Variants in TRIM44 observed in about 807,000 individuals in gnomAD.
TRIM44 encodes the protein tripartite motif-containing protein 44.
A neutral mutation model predicts 37.4 loss-of-function variants in TRIM44; 13 were observed. The ratio of observed to expected loss-of-function variants is 0.35; its 90% CI spans 0.23 to 0.55. TRIM44 has a LOEUF of 0.55. TRIM44 is among the 20% of genes least tolerant of loss of function. The pLI is 0.89. For synonymous variants in TRIM44, 175 were observed against 157.2 expected (o/e 1.11, Z -0.85); for missense variants, 426 against 437.2 (o/e 0.97, Z 0.23).
At chr11:35,686,368 G>GTT (rs201505822) in intron 2 of TRIM44, among the ~76,000 whole-genome samples, 6 of 143,560 alleles carry the variant, frequency 4.2e-5, no homozygotes, top group African/African-American at 1.6e-4. Context: ...TTTTGTTTTT[G>GTT]TTTTTGTTTT....
At chr11:35,788,473 G>C (rs150603671) in intron 4 of TRIM44, among the ~76,000 whole-genome samples, 1 of 152,132 alleles carries the variant, frequency 6.6e-6, no homozygotes, top group South Asian at 2.1e-4. Flanking sequence ...CTAGTATGGC[G>C]TTATATCAGA....
intron 3 of TRIM44, among the ~76,000 whole-genome samples, chr11:35,733,914 C>A (rs1331704691): frequency 1.3e-5 from 2 of 152,186 alleles, no homozygotes; most frequent in Non-Finnish European, 2.9e-5. Context: ...GTTCTTCCCA[C>A]TTTTCTCTGT....
chr11:35,765,614 C>CT (rs1316561486), intron 4 of TRIM44, among the ~76,000 whole-genome samples: 2 of 152,132 alleles, frequency 1.3e-5, no homozygotes, highest in Non-Finnish European at 2.9e-5. Flanking sequence ...CAGCATTGTG[C>CT]TTTATTTTGC....
chr11:35,801,221 T>C (rs546930764), intron 4 of TRIM44, among the ~76,000 whole-genome samples: 3 of 152,342 alleles, frequency 2.0e-5, no homozygotes, highest in Admixed American at 6.5e-5. Flanking sequence ...GACTTCCCAA[T>C]TGGCTCCTTG....
intron 4 of TRIM44, among the ~76,000 whole-genome samples, chr11:35,740,374 C>G (rs1180668641): frequency 6.6e-6 from 1 of 151,970 alleles, no homozygotes; most frequent in Non-Finnish European, 1.5e-5. Context: ...AGGGAAAAGA[C>G]CCTTAAACTC....
rs913856057 is a variant in TRIM44, at chr11:35,815,579, T to G, written c.*9194T>G. On this transcript the variant is annotated 3_prime_UTR_variant, in exon 5 of 5. Transcript: ENST00000299413. ...CCAAATTAATATTTTCCCTGGAAGA[T>G]TCTGACCTGTCTGATCAAATAAAGG... 1.3e-5 allele frequency: 2 copies of G among 152,230 alleles called. No homozygotes were observed. The highest frequency in any genetic ancestry group is 4.8e-5 in the African/African-American group (2 of 41,468). The allele number at this position is 152,230 out of a possible 1,614,324, so 9.4% of individuals were successfully genotyped here. A position where few individuals can be genotyped will look rare whatever the true frequency, so the allele number is the denominator to read the frequency against.
At chr11:35,719,566 A>G (rs756683200) in intron 2 of TRIM44, among the ~76,000 whole-genome samples, 2 of 152,100 alleles carry the variant, frequency 1.3e-5, no homozygotes, top group Non-Finnish European at 2.9e-5. Flanking sequence ...CCAGCTTATC[A>G]ATTGTTTTGT....
rs998132606 is a variant in TRIM44 at position 35,808,228 on chromosome 11, A to G, written c.*1843A>G. ...GTGTTAAAAAAAAAAAAAAAAAAGCATTTTTCTCTCAAACTGATGGCCAAG... is the reference window on the plus strand; with the variant it reads ...GTGTTAAAAAAAAAAAAAAAAAAGCGTTTTTCTCTCAAACTGATGGCCAAG... On this transcript the variant is annotated 3_prime_UTR_variant, in exon 5 of 5. Coordinates refer to ENST00000299413, the MANE Select transcript of TRIM44 (RefSeq NM_017583.6). The G allele has an allele frequency of 7.3e-5, 11 of 150,870 alleles. No homozygotes were observed. The highest frequency in any genetic ancestry group is 1.6e-4 in the Non-Finnish European group (11 of 67,702). The allele number at this position is 150,870 out of a possible 1,614,324, so 9.3% of individuals were successfully genotyped here. A position where few individuals can be genotyped will look rare whatever the true frequency, so the allele number is the denominator to read the frequency against.
At chr11:35,730,306 C>CA (rs1316520157) in intron 3 of TRIM44, among the ~76,000 whole-genome samples, 2 of 151,668 alleles carry the variant, frequency 1.3e-5, no homozygotes, top group South Asian at 2.1e-4. Context: ...TAAACAGCAG[C>CA]AAAAAAACAT....
Position 35,806,428 on chromosome 11 carries a change from T to G in TRIM44, c.*43T>G, listed in dbSNP as rs756259474. On this transcript the variant is annotated 3_prime_UTR_variant, in exon 5 of 5. Coordinates refer to ENST00000299413, the MANE Select transcript of TRIM44 (RefSeq NM_017583.6). ...TGGAAAATCATCCCCTCCCCTTGTG[T>G]GTATGTGACAGCGTGTATGTAACGG... 2 of 1,609,468 alleles carry G rather than the reference T, an allele frequency of 1.2e-6. No individual in the cohort carries two copies. Among genetic ancestry groups the G allele is most frequent in the South Asian group, 2.2e-5 (2 of 90,934 alleles).
chr11:35,697,731 G>A (rs1203047810), intron 2 of TRIM44, among the ~76,000 whole-genome samples: 1 of 151,644 alleles, frequency 6.6e-6, no homozygotes, highest in South Asian at 2.1e-4. Flanking sequence ...GTGATAGTTT[G>A]TTGAGAATGA....
At chr11:35,778,574 T>G (rs1215792698) in intron 4 of TRIM44, among the ~76,000 whole-genome samples, 1 of 152,168 alleles carries the variant, frequency 6.6e-6, no homozygotes, top group African/African-American at 2.4e-5. Flanking sequence ...TCTGCTCTGG[T>G]TTCTCCCCAT....
At chr11:35,734,326 C>T (rs1289670018) in intron 3 of TRIM44, among the ~76,000 whole-genome samples, 1 of 152,140 alleles carries the variant, frequency 6.6e-6, no homozygotes, top group Non-Finnish European at 1.5e-5. Context: ...TCCTCATACT[C>T]ATCCTATGAT....
chr11:35,676,812 A>G (rs868161968), intron 1 of TRIM44, among the ~76,000 whole-genome samples: 1 of 152,208 alleles, frequency 6.6e-6, no homozygotes, highest in Admixed American at 6.5e-5. Flanking sequence ...CTTCATGTGT[A>G]TAAATAATGA....
rs147874828 is a variant in TRIM44, at chr11:35,668,344, T to C, written c.669+4564T>C. On this transcript the variant is annotated intron_variant, in intron 1 of 4. Coordinates refer to ENST00000299413, the MANE Select transcript of TRIM44 (RefSeq NM_017583.6). ...TAAGCCCAGCATCCATTAGCTATTC[T>C]TTCTGATGCTCTCCTTCCTCCCACC... 5.9e-5 allele frequency among the ~76,000 whole-genome samples: 9 copies of C among 152,346 alleles called. No individual in the cohort carries two copies. In the East Asian group the frequency reaches 1.7e-3, roughly 29 times the overall value.
Position 35,663,569 on chromosome 11 carries a change from C to T in TRIM44, c.458C>T (p.Ala153Val), listed in dbSNP as rs760616658. Residue 153 changes from alanine to valine, a missense_variant, in exon 1 of 5, where the codon GCG becomes GTG. Transcript: ENST00000299413. ...EDNQEEGESEAEGETEAESEF... is the reference protein window; with the variant it reads ...EDNQEEGESEVEGETEAESEF... ...AACCAAGAAGAAGGGGAATCCGAGG[C>T]GGAGGGAGAAACTGAGGCAGAAAGT... The T allele has an allele frequency of 1.2e-5, 20 of 1,613,514 alleles. No individual in the cohort carries two copies. The highest frequency in any genetic ancestry group is 1.4e-5 in the Non-Finnish European group (16 of 1,179,896).
intron 4 of TRIM44, among the ~76,000 whole-genome samples, chr11:35,765,634 G>A (rs1375417528): frequency 6.6e-6 from 1 of 152,158 alleles, no homozygotes; most frequent in Non-Finnish European, 1.5e-5. Flanking sequence ...CAAGGAGAGG[G>A]TTTTGCCAGC....
chr11:35,678,090 G>C (rs146848578), intron 1 of TRIM44, among the ~76,000 whole-genome samples: 148 of 152,328 alleles, frequency 9.7e-4, no homozygotes, highest in Admixed American at 3.8e-3. Flanking sequence ...TGGTGGGGTA[G>C]GGGTTGACTA....
At chr11:35,689,448 G>A (rs895920425) in intron 2 of TRIM44, among the ~76,000 whole-genome samples, 3 of 152,174 alleles carry the variant, frequency 2.0e-5, no homozygotes, top group Non-Finnish European at 4.4e-5. Flanking sequence ...TTGTCAAAAC[G>A]ATTAGTAGGA....
Sources: gnomAD v4.1 joint callset for allele counts (sites outside exome capture counted in the v4.1 genomes callset) on GRCh38, gnomAD v4.1.1 for gene constraint, MANE v1.5 for transcripts, NCBI Gene and HGNC (gene_info 2026-07-23, HGNC 2026-07-21) for gene names.